CCDC149: variants seen among roughly 807,000 people sequenced by gnomAD.
The protein encoded by CCDC149 is coiled-coil domain containing 149.
Under a neutral mutation model 59.9 loss-of-function variants are expected in CCDC149, and 45 were observed. The ratio of observed to expected loss-of-function variants is 0.75; its 90% confidence interval spans 0.59 to 0.96. CCDC149 has a LOEUF of 0.96. Ranked by LOEUF, CCDC149 falls within the 40% of genes least tolerant of loss-of-function variation. The pLI, the probability that CCDC149 is intolerant of heterozygous loss-of-function variation, is 0.00. For missense variants in CCDC149, 584 were observed against 664.7 expected, an observed-to-expected ratio of 0.88 and a Z score of 1.33; for synonymous variants, 245 against 260.6, an observed-to-expected ratio of 0.94 and a Z score of 0.58.
chr4:24,853,017 A>G, intron 4 of CCDC149, 55 bp downstream of exon 4: 1 of 1,112,404 alleles, frequency 9.0e-7, no homozygotes, highest in Non-Finnish European at 1.4e-6. Context: ...CAATATATAA[A>G]CCTCGAACGC....
intron 1 of CCDC149, among the ~76,000 whole-genome samples, chr4:24,931,310 A>AAT (rs71187200): frequency 0.15 from 20,900 of 138,100 alleles, 1,694 homozygotes; most frequent in South Asian, 0.2. Context: ...TTTATTTTAA[A>AAT]ATATATATAT....
At chr4:24,896,011 G>A (rs376315287) in intron 1 of CCDC149, among the ~76,000 whole-genome samples, 4 of 152,344 alleles carry the variant, frequency 2.6e-5, no homozygotes, top group East Asian at 3.9e-4. Context: ...AAGGGCTGCC[G>A]CCTCTTGTCT....
intron 9 of CCDC149, chr4:24,831,227 T>A: frequency 4.0e-6 from 1 of 249,176 alleles, no homozygotes; most frequent in Non-Finnish European, 7.6e-6. Context: ...CCCAGGCGAT[T>A]ATTTTATGGA....
chr4:24,961,888 A>G (rs984116728), intron 1 of CCDC149, among the ~76,000 whole-genome samples: 3 of 152,078 alleles, frequency 2.0e-5, no homozygotes, highest in Non-Finnish European at 4.4e-5. Context: ...ACCATTCAGG[A>G]CATAGGCATG....
chr4:24,833,059 T>C (rs534233921), intron 8 of CCDC149, among the ~76,000 whole-genome samples: 5 of 152,172 alleles, frequency 3.3e-5, no homozygotes, highest in Admixed American at 6.5e-5. Context: ...GTGTCCTTTC[T>C]GACACCGAGT....
At chr4:24,816,681 T>C (rs1454251214) in intron 12 of CCDC149, among the ~76,000 whole-genome samples, 1 of 152,166 alleles carries the variant, frequency 6.6e-6, no homozygotes, top group Non-Finnish European at 1.5e-5. Context: ...TAGCAAACAA[T>C]TATCATTAAC....
chr4:24,879,360 A>G (rs1200290675), intron 1 of CCDC149, among the ~76,000 whole-genome samples: 2 of 151,974 alleles, frequency 1.3e-5, no homozygotes, highest in African/African-American at 4.8e-5. Context: ...TCTACTAAAA[A>G]TACAAAATTA....
At chr4:24,854,793 C>G (rs1425107465) in intron 3 of CCDC149, among the ~76,000 whole-genome samples, 2 of 152,172 alleles carry the variant, frequency 1.3e-5, no homozygotes, top group East Asian at 3.9e-4. Flanking sequence ...CTGTGGTCCC[C>G]CACACAGACC....
chr4:24,841,202 C>G (rs556558448), intron 4 of CCDC149, among the ~76,000 whole-genome samples: 1 of 152,254 alleles, frequency 6.6e-6, no homozygotes, highest in African/African-American at 2.4e-5. Flanking sequence ...AGGCTCAGGT[C>G]GTGTCTTCAA....
At chr4:24,868,485 A>C (rs1718831767) in intron 3 of CCDC149, among the ~76,000 whole-genome samples, 1 of 152,208 alleles carries the variant, frequency 6.6e-6, no homozygotes, top group African/African-American at 2.4e-5. Flanking sequence ...TTTGGACTAT[A>C]TGTTTCTCTC....
intron 11 of CCDC149, 120 bp downstream of exon 11, chr4:24,820,935 A>G (rs1477223692): frequency 4.1e-6 from 2 of 489,324 alleles, no homozygotes; most frequent in East Asian, 3.5e-5. Flanking sequence ...TCAATTGACT[A>G]TTCTAATCAG....
At chr4:24,955,147 C>T (rs2361078) in intron 1 of CCDC149, among the ~76,000 whole-genome samples, 119,984 of 152,004 alleles carry the variant, frequency 0.79, 47,699 homozygotes, top group African/African-American at 0.86. Context: ...TTTATTTTTC[C>T]CTTGGTTCTG....
upstream of CCDC149, among the ~76,000 whole-genome samples, chr4:24,913,707 G>A (rs1722031760): frequency 6.6e-6 from 1 of 152,222 alleles, no homozygotes; most frequent in South Asian, 2.1e-4. Context: ...ACCTTGGGAG[G>A]CTGAGGCAGG....
At chr4:24,811,890 AT>A (rs939958773) in intron 12 of CCDC149, among the ~76,000 whole-genome samples, 1 of 126,304 alleles carries the variant, frequency 7.9e-6, no homozygotes, top group Non-Finnish European at 1.7e-5. Context: ...AAAAAAAAAA[AT>A]TTCACTGGGC....
chr4:24,908,078 G>A (rs541529525), intron 1 of CCDC149, among the ~76,000 whole-genome samples: 1 of 152,262 alleles, frequency 6.6e-6, no homozygotes, highest in Admixed American at 6.5e-5. Flanking sequence ...ATCATAACTT[G>A]ATTATATCTG....
intron 4 of CCDC149, among the ~76,000 whole-genome samples, chr4:24,845,925 GCT>G (rs1372081311): frequency 6.6e-6 from 1 of 152,206 alleles, no homozygotes; most frequent in Non-Finnish European, 1.5e-5. Flanking sequence ...TTTTAAAGAA[GCT>G]CTGATTTATT....
intron 4 of CCDC149, among the ~76,000 whole-genome samples, chr4:24,852,784 C>T (rs764488910): frequency 1.3e-5 from 2 of 152,008 alleles, no homozygotes; most frequent in Non-Finnish European, 2.9e-5. Context: ...TTTTATTTTG[C>T]CCTCAACCAC....
chr4:24,840,149 A>G (rs1716846662), intron 4 of CCDC149, among the ~76,000 whole-genome samples: 1 of 152,204 alleles, frequency 6.6e-6, no homozygotes, highest in South Asian at 2.1e-4. Flanking sequence ...AGTAAAGTGC[A>G]TTTTCAAATG....
upstream of CCDC149, among the ~76,000 whole-genome samples, chr4:24,914,653 G>C (rs1482826277): frequency 1.4e-5 from 2 of 138,458 alleles, no homozygotes; most frequent in African/African-American, 2.7e-5. Context: ...GAACCATCCA[G>C]CTGAGCCTTG....
Sources: gnomAD v4.1 joint callset for allele counts (sites outside exome capture counted in the v4.1 genomes callset) on GRCh38, gnomAD v4.1.1 for gene constraint, MANE v1.5 for transcripts, NCBI Gene and HGNC (gene_info 2026-07-23, HGNC 2026-07-21) for gene names.